The following KCNT2 variants were observed in gnomAD, a reference collection of about 807,000 sequenced individuals.
KCNT2 encodes potassium sodium-activated channel subfamily T member 2.
In KCNT2, 67 loss-of-function variants were observed where a neutral mutation model predicts 153.8. The observed-to-expected ratio is 0.44, with a 90% CI of 0.36 to 0.53. KCNT2 has a LOEUF of 0.53. Ranked by LOEUF, KCNT2 falls within the 20% of genes least tolerant of loss-of-function variation. The pLI is 0.00. For synonymous variants in KCNT2, 500 were observed against 458.8 expected, an observed-to-expected ratio of 1.09 and a Z score of -1.15; for missense variants, 975 against 1,354.8, an observed-to-expected ratio of 0.72 and a Z score of 4.40.
chr1:196,293,760 T>C (rs1043383848), intron 22 of KCNT2, among the ~76,000 whole-genome samples: 2 of 151,094 alleles, frequency 1.3e-5, no homozygotes, highest in Non-Finnish European at 2.9e-5. Context: ...ACAACATTGC[T>C]CTGGGCAATA....
chr1:196,415,578 G>A (rs779974589), intron 12 of KCNT2, among the ~76,000 whole-genome samples: 3 of 151,510 alleles, frequency 2.0e-5, no homozygotes, highest in Non-Finnish European at 2.9e-5. Flanking sequence ...TGTTATGTCC[G>A]GATAAGAGCA....
chr1:196,402,534 T>C (rs1572326976), intron 12 of KCNT2, among the ~76,000 whole-genome samples: 1 of 151,342 alleles, frequency 6.6e-6, no homozygotes, highest in Non-Finnish European at 1.5e-5. Flanking sequence ...AAAAGGCACA[T>C]CTAAAAAGCC....
At chr1:196,480,038 A>T (rs1678875279) in intron 4 of KCNT2, among the ~76,000 whole-genome samples, 1 of 152,194 alleles carries the variant, frequency 6.6e-6, no homozygotes. Context: ...GTATCCTTTT[A>T]TCTTTTTCTA....
At chr1:196,338,600 A>G (rs528730370) in intron 16 of KCNT2, among the ~76,000 whole-genome samples, 1 of 151,952 alleles carries the variant, frequency 6.6e-6, no homozygotes, top group Non-Finnish European at 1.5e-5. Context: ...TTTTTTTCCA[A>G]TGGGTAGTAT....
intron 1 of KCNT2, among the ~76,000 whole-genome samples, chr1:196,546,975 T>C (rs535718659): frequency 6.6e-4 from 101 of 151,990 alleles, no homozygotes; most frequent in Admixed American, 6.4e-3. Flanking sequence ...TAATCTGAGA[T>C]TTTTCCATGG....
At chr1:196,327,472 G>C (rs1029633163) in intron 18 of KCNT2, among the ~76,000 whole-genome samples, 1 of 152,034 alleles carries the variant, frequency 6.6e-6, no homozygotes, top group African/African-American at 2.4e-5. Context: ...AGGGCATTTT[G>C]CTATTTCATG....
At chr1:196,479,285 T>C in intron 4 of KCNT2, 47 bp from the exon 5 acceptor site, 1 of 1,101,918 alleles carries the variant, frequency 9.1e-7, no homozygotes. Context: ...TACAATTAAA[T>C]TATATATATT....
intron 12 of KCNT2, among the ~76,000 whole-genome samples, chr1:196,410,396 A>G (rs1399373558): frequency 6.6e-6 from 1 of 151,254 alleles, no homozygotes; most frequent in African/African-American, 2.4e-5. Context: ...GAAGGGGAAC[A>G]TCACACACTG....
At chr1:196,396,729 G>C (rs1670969222) in intron 13 of KCNT2, among the ~76,000 whole-genome samples, 1 of 151,576 alleles carries the variant, frequency 6.6e-6, no homozygotes, top group African/African-American at 2.4e-5. Flanking sequence ...GAAATATTGA[G>C]ATAAATGGTT....
At chr1:196,337,860 A>AT (rs995692656) in intron 16 of KCNT2, among the ~76,000 whole-genome samples, 7 of 152,038 alleles carry the variant, frequency 4.6e-5, no homozygotes, top group Admixed American at 1.3e-4. Flanking sequence ...TAATTTACTT[A>AT]TTTTTTTATA....
chr1:196,417,202 T>C (rs1237130364), intron 12 of KCNT2, among the ~76,000 whole-genome samples: 3 of 152,042 alleles, frequency 2.0e-5, no homozygotes, highest in African/African-American at 7.2e-5. Flanking sequence ...AGTACATATA[T>C]AAAAAACACA....
chr1:196,470,868 C>G, intron 5 of KCNT2, among the ~76,000 whole-genome samples: 1 of 121,178 alleles, frequency 8.3e-6, no homozygotes, highest in East Asian at 2.7e-4. Flanking sequence ...ACCCTAATTT[C>G]TTTCTTTCTT....
At chr1:196,401,041 C>G (rs1311101999) in intron 12 of KCNT2, among the ~76,000 whole-genome samples, 1 of 151,708 alleles carries the variant, frequency 6.6e-6, no homozygotes, top group Non-Finnish European at 1.5e-5. Context: ...AAGGGAGAGG[C>G]AACAAAGAGA....
intron 25 of KCNT2, among the ~76,000 whole-genome samples, chr1:196,266,777 G>T (rs1319807191): frequency 6.6e-6 from 1 of 152,122 alleles, no homozygotes; most frequent in Non-Finnish European, 1.5e-5. Flanking sequence ...TAATGCTGTG[G>T]TTCCACATAT....
intron 21 of KCNT2, among the ~76,000 whole-genome samples, chr1:196,307,289 T>G (rs1293711934): frequency 1.3e-5 from 2 of 152,150 alleles, no homozygotes; most frequent in Non-Finnish European, 2.9e-5. Flanking sequence ...TATTTCTGCC[T>G]GAAATGCCAT....
rs570773283 is a variant in KCNT2 at position 196,331,835 on chromosome 1, C to T, written c.1998-574G>A. Among the ~76,000 whole-genome samples, 11 of 152,048 alleles carry T rather than the reference C, an allele frequency of 7.2e-5. No individual in the cohort carries two copies. In the South Asian group the frequency reaches 8.3e-4, roughly 11 times the overall value. ...TATTCATTAGCCATAACTACATAACCGAAATGGAACAAATAACTGAGCTAA... is the reference window on the plus strand; with the variant it reads ...TATTCATTAGCCATAACTACATAACTGAAATGGAACAAATAACTGAGCTAA... On this transcript the variant is annotated intron_variant, in intron 17 of 27. Transcript: ENST00000294725.
intron 14 of KCNT2, among the ~76,000 whole-genome samples, chr1:196,356,244 A>C (rs1161310981): frequency 6.6e-6 from 1 of 151,762 alleles, no homozygotes; most frequent in Non-Finnish European, 1.5e-5. Context: ...GAAATTTGTA[A>C]TACATTCCAA....
At chr1:196,555,065 C>A (rs899153295) in intron 1 of KCNT2, among the ~76,000 whole-genome samples, 1 of 151,068 alleles carries the variant, frequency 6.6e-6, no homozygotes, top group Non-Finnish European at 1.5e-5. Flanking sequence ...AACCTTTCCT[C>A]TAAGGTTTGG....
At chr1:196,418,439 C>T (rs748067780) in intron 12 of KCNT2, among the ~76,000 whole-genome samples, 5 of 151,926 alleles carry the variant, frequency 3.3e-5, no homozygotes, top group South Asian at 2.1e-4. Flanking sequence ...CAACTCCAGC[C>T]GGGGCAAGAA....
Sources: gnomAD v4.1 joint callset for allele counts (sites outside exome capture counted in the v4.1 genomes callset) on GRCh38, gnomAD v4.1.1 for gene constraint, MANE v1.5 for transcripts, NCBI Gene and HGNC (gene_info 2026-07-23, HGNC 2026-07-21) for gene names.